Variants in CC2D2B observed in about 807,000 individuals in gnomAD.
CC2D2B encodes protein CC2D2B.
In CC2D2B, 128 loss-of-function variants were observed where a neutral mutation model predicts 161.2. That is an observed-to-expected ratio of 0.79 (90% CI 0.69 to 0.92). The LOEUF is 0.92. Among genes scored for constraint, CC2D2B ranks in the 40% least tolerant of loss-of-function variants. The pLI is 0.00. For synonymous variants in CC2D2B, 391 were observed against 449.8 expected, an observed-to-expected ratio of 0.87 and a Z score of 1.65; for missense variants, 1,173 against 1,375.1, an observed-to-expected ratio of 0.85 and a Z score of 2.32.
intron 12 of CC2D2B, among the ~76,000 whole-genome samples, chr10:95,965,537 T>C (rs2076910515): frequency 6.6e-6 from 1 of 151,948 alleles, no homozygotes; most frequent in African/African-American, 2.4e-5. Flanking sequence ...TTAAAAAATA[T>C]GAGAGAAAGA....
intron 32 of CC2D2B, among the ~76,000 whole-genome samples, chr10:96,023,449 G>C (rs771519187): frequency 2.0e-5 from 3 of 152,240 alleles, no homozygotes; most frequent in Non-Finnish European, 4.4e-5. Context: ...TGCCCAGAAA[G>C]AAAGAGGCCT....
chr10:95,947,109 A>ATT (rs1442941741), intron 9 of CC2D2B, among the ~76,000 whole-genome samples: 1 of 40,048 alleles, frequency 2.5e-5, no homozygotes, highest in African/African-American at 1.7e-4. Flanking sequence ...ATATATATAT[A>ATT]TATATTTTTT....
chr10:95,916,525 A>G (rs2098516707), intron 2 of CC2D2B, among the ~76,000 whole-genome samples: 1 of 151,992 alleles, frequency 6.6e-6, no homozygotes, highest in Non-Finnish European at 1.5e-5. Context: ...ATTTTTTGAC[A>G]TAGACACTTA....
chr10:96,023,489 A>G (rs2079556830), intron 32 of CC2D2B, among the ~76,000 whole-genome samples: 1 of 152,238 alleles, frequency 6.6e-6, no homozygotes, highest in South Asian at 2.1e-4. Context: ...TAAACACACC[A>G]TAAACTTCTC....
intron 6 of CC2D2B, among the ~76,000 whole-genome samples, chr10:95,927,604 G>GT (rs59126287): frequency 0.43 from 65,241 of 151,746 alleles, 14,413 homozygotes; most frequent in Admixed American, 0.53. Context: ...ATCTTTACAG[G>GT]TAACGAAAAT....
intron 10 of CC2D2B, among the ~76,000 whole-genome samples, chr10:95,951,310 C>T (rs993449132): frequency 1.3e-5 from 2 of 152,076 alleles, no homozygotes; most frequent in Admixed American, 6.6e-5. Context: ...CCATCACACC[C>T]AGCTAAAGTT....
At chr10:95,934,535 G>A (rs1207364498) in intron 6 of CC2D2B, among the ~76,000 whole-genome samples, 1 of 152,130 alleles carries the variant, frequency 6.6e-6, no homozygotes, top group East Asian at 1.9e-4. Flanking sequence ...CCAGGGCCCT[G>A]GTGACGTAGG....
At chr10:95,985,853 G>T (rs1292239800) in intron 19 of CC2D2B, among the ~76,000 whole-genome samples, 4 of 152,164 alleles carry the variant, frequency 2.6e-5, no homozygotes. Flanking sequence ...GCCGCTCTAG[G>T]GATGTCTGTC....
intron 9 of CC2D2B, among the ~76,000 whole-genome samples, chr10:95,945,929 T>G (rs997354859): frequency 6.6e-6 from 1 of 151,772 alleles, no homozygotes; most frequent in African/African-American, 2.4e-5. Context: ...GGATTACAGG[T>G]GTGCACCACC....
intron 34 of CC2D2B, among the ~76,000 whole-genome samples, chr10:96,027,937 CAGA>C (rs1197854544): frequency 2.6e-4 from 40 of 152,138 alleles, no homozygotes; most frequent in African/African-American, 8.9e-4. Flanking sequence ...TATTCATATG[CAGA>C]AGAAGGAAAC....
At chr10:95,982,402 G>A (rs2077562328) in intron 18 of CC2D2B, among the ~76,000 whole-genome samples, 1 of 152,146 alleles carries the variant, frequency 6.6e-6, no homozygotes, top group South Asian at 2.1e-4. Flanking sequence ...CTATTGTGCA[G>A]TTACCATGTG....
intron 12 of CC2D2B, among the ~76,000 whole-genome samples, chr10:95,963,408 T>C (rs940069610): frequency 6.6e-6 from 1 of 152,154 alleles, no homozygotes; most frequent in Non-Finnish European, 1.5e-5. Flanking sequence ...GCTCAGGTTA[T>C]CATTTCGTCA....
chr10:95,936,174 A>T (rs2075814842), intron 6 of CC2D2B, among the ~76,000 whole-genome samples: 1 of 152,192 alleles, frequency 6.6e-6, no homozygotes, highest in Non-Finnish European at 1.5e-5. Context: ...ATATTAGGTC[A>T]GTAGGAGTAA....
chr10:95,980,878 A>G (rs1320959585), intron 17 of CC2D2B, among the ~76,000 whole-genome samples: 1 of 152,212 alleles, frequency 6.6e-6, no homozygotes, highest in Non-Finnish European at 1.5e-5. Context: ...ACTACTTTAT[A>G]GAAAGGATTG....
chr10:95,965,788 TG>T, intron 12 of CC2D2B, 107 bp from the exon 13 acceptor site: 1 of 229,052 alleles, frequency 4.4e-6, no homozygotes, highest in East Asian at 8.4e-5. Context: ...ATTGGTTTTG[TG>T]TGTGTGTGTG....
chr10:96,007,993 A>G (rs192271057), intron 25 of CC2D2B, among the ~76,000 whole-genome samples: 1 of 152,264 alleles, frequency 6.6e-6, no homozygotes, highest in East Asian at 1.9e-4. Flanking sequence ...ATATATGTAT[A>G]TACCAATGAA....
Position 95,982,169 on chromosome 10 carries a change from T to C in CC2D2B, c.2082+56T>C, listed in dbSNP as rs186684308. 9.8e-4 allele frequency: 1,077 copies of C among 1,103,950 alleles called. 5 individuals carry two copies. In the African/African-American group the frequency reaches 0.012, roughly 13 times the overall value. The allele number at this position is 1,103,950 out of a possible 1,614,324, so 68.4% of individuals were successfully genotyped here. A position where few individuals can be genotyped will look rare whatever the true frequency, so the allele number is the denominator to read the frequency against. ...CATATTCTATTTCCTAAGCTCTACTTAGGAAAGTATAGTTTCCCCCATAGT... is the reference window on the plus strand; with the variant it reads ...CATATTCTATTTCCTAAGCTCTACTCAGGAAAGTATAGTTTCCCCCATAGT... On this transcript the variant is annotated intron_variant, in intron 18 of 34. Coordinates refer to ENST00000646931, the MANE Select transcript of CC2D2B (RefSeq NM_001349008.3).
intron 23 of CC2D2B, among the ~76,000 whole-genome samples, 157 bp from the exon 24 acceptor site, chr10:95,995,986 A>G (rs1359616583): frequency 1.3e-5 from 2 of 152,214 alleles, no homozygotes; most frequent in Non-Finnish European, 2.9e-5. Context: ...TATAGAATAG[A>G]CCCAGTAGAT....
chr10:96,024,798 C>CT lies in CC2D2B; in HGVS notation c.3889-54dup, dbSNP rs139337041. ...ATTATAGCTGGCATTCCAGGAGTGA[C>CT]TGTGATGTAAACATGGTCTCTAGAA... On this transcript the variant is annotated intron_variant, in intron 32 of 34. Transcript: ENST00000646931. The CT allele has an allele frequency of 0.022, 23,206 of 1,041,910 alleles. 1,659 individuals are homozygous for CT. The African/African-American group carries it at 0.22, about 10-fold the overall frequency. The allele number at this position is 1,041,910 out of a possible 1,614,324, so 64.5% of individuals were successfully genotyped here. A position where few individuals can be genotyped will look rare whatever the true frequency, so the allele number is the denominator to read the frequency against.
Sources: gnomAD v4.1 joint callset for allele counts (sites outside exome capture counted in the v4.1 genomes callset) on GRCh38, gnomAD v4.1.1 for gene constraint, MANE v1.5 for transcripts, NCBI Gene and HGNC (gene_info 2026-07-23, HGNC 2026-07-21) for gene names.